Variants in CNGB3 observed in about 807,000 individuals in gnomAD.
The protein encoded by CNGB3 is cyclic nucleotide gated channel subunit beta 3.
In CNGB3, 86 loss-of-function variants were observed where a neutral mutation model predicts 92.8. The observed-to-expected ratio is 0.93, with a 90% CI of 0.78 to 1.11. The LOEUF is 1.11. Among genes scored for constraint, CNGB3 ranks in the 50% least tolerant of loss-of-function variants. CNGB3 has a pLI of 0.00. For synonymous variants in CNGB3, 333 were observed against 332.7 expected (o/e 1.00, Z -0.01); for missense variants, 1,026 against 956.8 (o/e 1.07, Z -0.95).
chr8:86,737,836 T>G (rs1462237099), intron 2 of CNGB3, among the ~76,000 whole-genome samples: 1 of 152,230 alleles, frequency 6.6e-6, no homozygotes, highest in African/African-American at 2.4e-5. Context: ...TATTTGGTTT[T>G]CTGTTCCTGA....
chr8:86,694,479 C>T (rs547616135), intron 3 of CNGB3, among the ~76,000 whole-genome samples: 117 of 151,280 alleles, frequency 7.7e-4, no homozygotes, highest in African/African-American at 2.5e-3. Context: ...GGCTGCCGGA[C>T]GGAGGGTCTC....
chr8:86,713,750 A>G (rs777296466), intron 3 of CNGB3, among the ~76,000 whole-genome samples: 11 of 152,210 alleles, frequency 7.2e-5, no homozygotes, highest in African/African-American at 2.7e-4. Context: ...GATATTTAAC[A>G]TGCATGTTTA....
intron 3 of CNGB3, among the ~76,000 whole-genome samples, chr8:86,695,652 T>C (rs546185323): frequency 1.3e-5 from 2 of 152,328 alleles, no homozygotes; most frequent in East Asian, 3.9e-4. Context: ...TTCTGAATTC[T>C]TCATCTGTCA....
intron 3 of CNGB3, among the ~76,000 whole-genome samples, chr8:86,680,158 A>T (rs545670982): frequency 6.6e-6 from 1 of 152,370 alleles, no homozygotes; most frequent in Non-Finnish European, 1.5e-5. Context: ...CAGGTGAAAA[A>T]TTAGATCAAG....
chr8:86,595,685 T>C (rs569824344), intron 15 of CNGB3, among the ~76,000 whole-genome samples: 3 of 152,278 alleles, frequency 2.0e-5, no homozygotes, highest in South Asian at 2.1e-4. Context: ...CTATTTCTAC[T>C]TTTTAGGAAA....
At chr8:86,664,219 T>C (rs1823698257) in intron 6 of CNGB3, among the ~76,000 whole-genome samples, 1 of 152,194 alleles carries the variant, frequency 6.6e-6, no homozygotes, top group Non-Finnish European at 1.5e-5. Context: ...AGATTTCAAA[T>C]ATAGAAAACA....
rs373844401 is a variant in CNGB3, at chr8:86,611,568, G to T, written c.1662+20C>A. 19 of 1,589,104 alleles carry T rather than the reference G, an allele frequency of 1.2e-5. No homozygotes were observed. The highest frequency in any genetic ancestry group is 5.4e-5 in the African/African-American group (4 of 74,348). On this transcript the variant is annotated intron_variant, in intron 14 of 17. Transcript: ENST00000320005. ...AAATGCATTTATTAGTTGTGCATTT[G>T]AAAAATAGCATGCACTCACCTTTTT...
chr8:86,614,821 A>T (rs559397933), intron 13 of CNGB3, among the ~76,000 whole-genome samples: 4 of 152,136 alleles, frequency 2.6e-5, no homozygotes, highest in African/African-American at 9.6e-5. Flanking sequence ...CACTGTGAAC[A>T]GCCACCACTC....
chr8:86,578,152 G>A (rs946650549), intron 17 of CNGB3, among the ~76,000 whole-genome samples: 30 of 152,006 alleles, frequency 2.0e-4, no homozygotes, highest in African/African-American at 6.3e-4. Flanking sequence ...CTCGTGATCC[G>A]CCCGCCTTGG....
At chr8:86,710,198 A>C (rs1055976017) in intron 3 of CNGB3, among the ~76,000 whole-genome samples, 1 of 152,332 alleles carries the variant, frequency 6.6e-6, no homozygotes, top group East Asian at 1.9e-4. Flanking sequence ...TTCTCAACTT[A>C]TCTACATAGT....
At chr8:86,719,004 A>G (rs1300360964) in intron 3 of CNGB3, among the ~76,000 whole-genome samples, 1 of 152,086 alleles carries the variant, frequency 6.6e-6, no homozygotes, top group Non-Finnish European at 1.5e-5. Context: ...AAAAACTGGC[A>G]TAGAAGGTAC....
chr8:86,658,440 TG>T, intron 6 of CNGB3: 2 of 422,490 alleles, frequency 4.7e-6, no homozygotes, highest in Non-Finnish European at 4.4e-6. Flanking sequence ...CAGGTGCTCC[TG>T]GGTCTCCTGC....
intron 3 of CNGB3, among the ~76,000 whole-genome samples, chr8:86,724,016 C>A (rs1346687640): frequency 6.6e-6 from 1 of 152,104 alleles, no homozygotes; most frequent in Non-Finnish European, 1.5e-5. Context: ...CAATAGACAT[C>A]AGAGCCTACT....
chr8:86,619,421 A>G (rs565304244), intron 13 of CNGB3, among the ~76,000 whole-genome samples: 29 of 152,312 alleles, frequency 1.9e-4, no homozygotes, highest in African/African-American at 6.5e-4. Flanking sequence ...AGGAAGAGGA[A>G]TCATTTTTGT....
intron 3 of CNGB3, among the ~76,000 whole-genome samples, chr8:86,675,131 G>A (rs1823941169): frequency 1.3e-5 from 2 of 151,954 alleles, no homozygotes; most frequent in Admixed American, 6.6e-5. Context: ...GCTAATTTTT[G>A]TATTTTTTAA....
intron 6 of CNGB3, chr8:86,657,510 C>A: frequency 2.0e-6 from 1 of 509,336 alleles, no homozygotes; most frequent in South Asian, 1.5e-5. Flanking sequence ...ATCTGCTGTG[C>A]AGTGGGATTG....
chr8:86,689,250 T>C (rs1824251546), intron 3 of CNGB3, among the ~76,000 whole-genome samples: 2 of 152,070 alleles, frequency 1.3e-5, no homozygotes, highest in African/African-American at 2.4e-5. Context: ...ATTTGTGCTC[T>C]GTAGCCATTG....
Position 86,575,944 on chromosome 8 carries a change from C to T in CNGB3, c.2290G>A (p.Glu764Lys). Residue 764 changes from glutamate to lysine, a missense_variant, in exon 18 of 18, where the codon GAG (glutamate) becomes AAG (lysine). Coordinates refer to ENST00000320005, the MANE Select transcript of CNGB3 (RefSeq NM_019098.5). ...PECTASPIAVEEEPHSVRRTV... is the reference protein window; with the variant it reads ...PECTASPIAVKEEPHSVRRTV... ...CTTCTAACTGAGTGGGGTTCTTCCT[C>T]CACTGCAATAGGACTTGCTGTACAT... The T allele has an allele frequency of 1.2e-6, 2 of 1,614,100 alleles. No individual in the cohort carries two copies. Among genetic ancestry groups the T allele is most frequent in the Non-Finnish European group, 1.7e-6 (2 of 1,179,998 alleles).
At chr8:86,585,759 C>T (rs922775965) in intron 15 of CNGB3, among the ~76,000 whole-genome samples, 1 of 152,100 alleles carries the variant, frequency 6.6e-6, no homozygotes, top group Non-Finnish European at 1.5e-5. Flanking sequence ...TGGTAGAAAA[C>T]TTCATATTCT....
Sources: gnomAD v4.1 joint callset for allele counts (sites outside exome capture counted in the v4.1 genomes callset) on GRCh38, gnomAD v4.1.1 for gene constraint, MANE v1.5 for transcripts, NCBI Gene and HGNC (gene_info 2026-07-23, HGNC 2026-07-21) for gene names.